PDE7B: variants seen among roughly 807,000 people sequenced by gnomAD.
The protein encoded by PDE7B is 3',5'-cyclic-AMP phosphodiesterase 7B.
Under a neutral mutation model 56.2 loss-of-function variants are expected in PDE7B, and 29 were observed. The ratio of observed to expected loss-of-function variants is 0.52; its 90% CI spans 0.38 to 0.70. PDE7B has a LOEUF of 0.70. Among genes scored for constraint, PDE7B ranks in the 30% least tolerant of loss-of-function variants. The pLI is 0.00. For missense variants in PDE7B, 490 were observed against 565.0 expected (o/e 0.87, Z 1.35); for synonymous variants, 197 against 196.9 (o/e 1.00, Z 0.00).
chr6:135,914,983 C>T (rs1776275881), intron 1 of PDE7B, among the ~76,000 whole-genome samples: 1 of 151,598 alleles, frequency 6.6e-6, no homozygotes, highest in Admixed American at 6.6e-5. Flanking sequence ...ATCCCAGCTA[C>T]TTGGGAGGCT....
chr6:135,869,345 T>C (rs9494404), intron 1 of PDE7B, among the ~76,000 whole-genome samples: 13,967 of 152,128 alleles, frequency 0.092, 1,744 homozygotes, highest in African/African-American at 0.29. Context: ...AAATTCTGAT[T>C]CCTGCTTAAA....
chr6:135,967,247 C>A (rs1775010813), intron 2 of PDE7B, among the ~76,000 whole-genome samples: 2 of 152,254 alleles, frequency 1.3e-5, no homozygotes, highest in South Asian at 4.1e-4. Context: ...GTCTCAAATT[C>A]CCCATCCTTC....
chr6:136,070,624 T>C (rs1415539507), intron 2 of PDE7B, among the ~76,000 whole-genome samples: 1 of 152,162 alleles, frequency 6.6e-6, no homozygotes, highest in Non-Finnish European at 1.5e-5. Context: ...ATGATTTAAT[T>C]CATTTAATTT....
rs1051151211 is a variant in PDE7B, at chr6:136,037,694, C to T, written c.83-71037C>T. 9.1e-6 allele frequency: 9 copies of T among 985,336 alleles called. No individual in the cohort carries two copies. In the Admixed American group the frequency reaches 4.9e-4, roughly 54 times the overall value. The allele number at this position is 985,336 out of a possible 1,614,324, so 61.0% of individuals were successfully genotyped here. ...CTCCTCACCTGACACCTCCAGATAA[C>T]TGGCCTCCAGCAAGGGGGGAGCCCC... On this transcript the variant is annotated intron_variant, in intron 2 of 12. Transcript: ENST00000308191.
chr6:135,880,351 T>A (rs1775584647), intron 1 of PDE7B, among the ~76,000 whole-genome samples: 2 of 152,288 alleles, frequency 1.3e-5, no homozygotes, highest in African/African-American at 4.8e-5. Context: ...ATGAGTTTAT[T>A]CATCCAACAA....
intron 8 of PDE7B, among the ~76,000 whole-genome samples, chr6:136,168,557 C>T (rs1778832058): frequency 6.6e-6 from 1 of 152,074 alleles, no homozygotes; most frequent in Admixed American, 6.6e-5. Context: ...GTCAAATAAA[C>T]AGGTCACATT....
chr6:135,901,497 C>A (rs1202848533), intron 1 of PDE7B, among the ~76,000 whole-genome samples: 1 of 151,846 alleles, frequency 6.6e-6, no homozygotes, highest in Non-Finnish European at 1.5e-5. Flanking sequence ...CCTTTTTTTG[C>A]AAGAATAAAC....
intron 2 of PDE7B, among the ~76,000 whole-genome samples, chr6:136,065,781 A>G (rs372095199): frequency 2.0e-5 from 3 of 152,356 alleles, no homozygotes; most frequent in Non-Finnish European, 4.4e-5. Context: ...GATTTTTCAA[A>G]GTCTGATTAG....
chr6:136,103,450 A>T (rs1777597155), intron 2 of PDE7B, among the ~76,000 whole-genome samples: 1 of 152,240 alleles, frequency 6.6e-6, no homozygotes, highest in Non-Finnish European at 1.5e-5. Flanking sequence ...TTTGGAGAGT[A>T]GTCAGCTGAA....
chr6:135,978,116 C>A (rs1242977318), intron 2 of PDE7B, among the ~76,000 whole-genome samples: 1 of 152,134 alleles, frequency 6.6e-6, no homozygotes, highest in Admixed American at 6.6e-5. Flanking sequence ...AGCACACTTA[C>A]ACAAACCTGG....
At chr6:136,099,425 T>C (rs1427746643) in intron 2 of PDE7B, among the ~76,000 whole-genome samples, 1 of 152,210 alleles carries the variant, frequency 6.6e-6, no homozygotes, top group Non-Finnish European at 1.5e-5. Flanking sequence ...CTCCACATCC[T>C]CTCCAGCATC....
intron 8 of PDE7B, among the ~76,000 whole-genome samples, chr6:136,166,589 C>T (rs1326437195): frequency 2.0e-5 from 3 of 152,096 alleles, no homozygotes; most frequent in African/African-American, 4.8e-5. Flanking sequence ...AGGTGCTACA[C>T]ACTTTTAAAC....
At chr6:135,860,887 G>A (rs551007383) in intron 1 of PDE7B, among the ~76,000 whole-genome samples, 5 of 151,508 alleles carry the variant, frequency 3.3e-5, no homozygotes, top group Non-Finnish European at 7.4e-5. Flanking sequence ...ACACATAACA[G>A]AAAATTATCT....
chr6:135,933,623 TA>T (rs1308692701), intron 1 of PDE7B, among the ~76,000 whole-genome samples: 1 of 152,190 alleles, frequency 6.6e-6, no homozygotes, highest in African/African-American at 2.4e-5. Context: ...TAAGAATACA[TA>T]GAGATAACAG....
At chr6:135,895,191 AG>A (rs1775877226) in intron 1 of PDE7B, among the ~76,000 whole-genome samples, 1 of 152,194 alleles carries the variant, frequency 6.6e-6, no homozygotes. Flanking sequence ...GGCTTTTAGA[AG>A]GCACATGTAA....
chr6:136,184,705 A>G (rs534490820), intron 11 of PDE7B, among the ~76,000 whole-genome samples: 8 of 152,294 alleles, frequency 5.3e-5, no homozygotes, highest in Admixed American at 1.3e-4. Flanking sequence ...GAACATGACA[A>G]TGGGAGTTAT....
At chr6:136,040,170 C>G (rs1374642680) in intron 2 of PDE7B, among the ~76,000 whole-genome samples, 1 of 152,130 alleles carries the variant, frequency 6.6e-6, no homozygotes, top group African/African-American at 2.4e-5. Context: ...TCAGTGGAAA[C>G]TGTCTCTGAA....
intron 3 of PDE7B, among the ~76,000 whole-genome samples, chr6:136,109,106 C>T (rs891238812): frequency 3.9e-5 from 6 of 152,018 alleles, no homozygotes; most frequent in African/African-American, 2.4e-5. Flanking sequence ...CCCAGCACTT[C>T]GGGAGGCCAA....
At chr6:136,075,112 A>G (rs1382871449) in intron 2 of PDE7B, among the ~76,000 whole-genome samples, 1 of 152,210 alleles carries the variant, frequency 6.6e-6, no homozygotes, top group African/African-American at 2.4e-5. Flanking sequence ...TTCTCAAGCC[A>G]CCGTCTCAGT....
Sources: gnomAD v4.1 joint callset for allele counts (sites outside exome capture counted in the v4.1 genomes callset) on GRCh38, gnomAD v4.1.1 for gene constraint, MANE v1.5 for transcripts, NCBI Gene and HGNC (gene_info 2026-07-23, HGNC 2026-07-21) for gene names.